FHIT: variants seen among roughly 807,000 people sequenced by gnomAD.
FHIT encodes the protein bis(5'-adenosyl)-triphosphatase.
In FHIT, 19 loss-of-function variants were observed where a neutral mutation model predicts 17.9. The ratio of observed to expected loss-of-function variants is 1.06; its 90% confidence interval spans 0.74 to 1.56. The LOEUF (loss-of-function observed/expected upper bound fraction) is 1.56, where lower values mean the gene tolerates loss of function less well. Among genes scored for constraint, FHIT ranks in the 40% most tolerant of loss-of-function variants. FHIT has a pLI of 0.00. For missense variants in FHIT, 248 were observed against 189.2 expected, an observed-to-expected ratio of 1.31 and a Z score of -1.82; for synonymous variants, 81 against 69.7, an observed-to-expected ratio of 1.16 and a Z score of -0.81.
chr3:60,096,659 C>T lies in FHIT; in HGVS notation c.104-82507G>A, dbSNP rs1336343168. ...TCCCTGTACCTTCCTTTCTCACAAA[C>T]ATTCCATTGGCAGATTTCTGTTTTG... On this transcript the variant is annotated intron_variant, in intron 5 of 9. Coordinates refer to ENST00000492590, the MANE Select transcript of FHIT (RefSeq NM_002012.4). Among the ~76,000 whole-genome samples, 7 of 152,314 alleles carry T rather than the reference C, an allele frequency of 4.6e-5. No homozygotes were observed. The East Asian group carries it at 1.2e-3, about 25-fold the overall frequency.
chr3:60,700,888 C>T (rs2107908321), intron 4 of FHIT, among the ~76,000 whole-genome samples: 1 of 152,064 alleles, frequency 6.6e-6, no homozygotes, highest in South Asian at 2.1e-4. Context: ...AATTAATATC[C>T]CTAGCCATTT....
In FHIT at chr3:60,603,832, T is replaced by C. The variant is rs570738421; in HGVS notation, c.-17-66853A>G. Reference sequence around the variant, plus strand: ...ACTATAAGGCTCTGTTTCATTTTTGTAAATAGATCTCTGGCTTAGGCTCCT... The same window carrying C: ...ACTATAAGGCTCTGTTTCATTTTTGCAAATAGATCTCTGGCTTAGGCTCCT... On this transcript the variant is annotated intron_variant, in intron 4 of 9. Transcript: ENST00000492590. Among the ~76,000 whole-genome samples the C allele has an allele frequency of 2.0e-5, 3 of 152,268 alleles. No homozygotes were observed. In the South Asian group the frequency reaches 6.2e-4, roughly 32 times the overall value.
At chr3:60,694,625 T>C (rs2041072302) in intron 4 of FHIT, among the ~76,000 whole-genome samples, 1 of 152,170 alleles carries the variant, frequency 6.6e-6, no homozygotes, top group Non-Finnish European at 1.5e-5. Flanking sequence ...ATATGTTTAT[T>C]GCGGCACTAT....
At chr3:60,779,856 A>G (rs1700328245) in intron 4 of FHIT, among the ~76,000 whole-genome samples, 1 of 152,188 alleles carries the variant, frequency 6.6e-6, no homozygotes, top group Non-Finnish European at 1.5e-5. Context: ...TTTCATGGAT[A>G]AAGGCCACGT....
chr3:60,129,541 A>G (rs1699435334), intron 5 of FHIT, among the ~76,000 whole-genome samples: 1 of 152,156 alleles, frequency 6.6e-6, no homozygotes, highest in Non-Finnish European at 1.5e-5. Flanking sequence ...GAATATCCAC[A>G]TTTCGAGGCT....
chr3:60,526,474 G>A (rs956881244), intron 5 of FHIT, among the ~76,000 whole-genome samples: 1 of 152,070 alleles, frequency 6.6e-6, no homozygotes, highest in Admixed American at 6.5e-5. Flanking sequence ...TACAGGAACC[G>A]GGGGACCTGC....
At chr3:61,246,893 T>C (rs2040499790) in intron 1 of FHIT, among the ~76,000 whole-genome samples, 1 of 151,526 alleles carries the variant, frequency 6.6e-6, no homozygotes, top group Non-Finnish European at 1.5e-5. Context: ...GAAAAACATA[T>C]CTATTACTCA....
At chr3:60,504,580 A>G (rs1424044566) in intron 5 of FHIT, among the ~76,000 whole-genome samples, 1 of 152,210 alleles carries the variant, frequency 6.6e-6, no homozygotes, top group Non-Finnish European at 1.5e-5. Flanking sequence ...CAAATACAAT[A>G]TATTGATTGA....
At chr3:60,107,877 G>T (rs1460394647) in intron 5 of FHIT, among the ~76,000 whole-genome samples, 1 of 152,162 alleles carries the variant, frequency 6.6e-6, no homozygotes, top group African/African-American at 2.4e-5. Context: ...ATAAATACAG[G>T]AAAGAATAGT....
intron 4 of FHIT, among the ~76,000 whole-genome samples, chr3:60,586,692 G>A (rs1386566100): frequency 6.6e-6 from 1 of 151,954 alleles, no homozygotes; most frequent in Non-Finnish European, 1.5e-5. Flanking sequence ...GTCTTTTGCA[G>A]AAATGTGGAT....
At chr3:60,630,545 C>T (rs13090600) in intron 4 of FHIT, among the ~76,000 whole-genome samples, 61,765 of 151,600 alleles carry the variant, frequency 0.41, 12,799 homozygotes, top group East Asian at 0.65. Flanking sequence ...TGTACCACCA[C>T]CACAAGCCTC....
At chr3:60,065,839 G>T (rs2736807) in intron 5 of FHIT, among the ~76,000 whole-genome samples, 1 of 152,002 alleles carries the variant, frequency 6.6e-6, no homozygotes, top group Non-Finnish European at 1.5e-5. Context: ...GGGAATACTC[G>T]GGGGAAGCAT....
At chr3:60,332,636 A>C (rs943870363) in intron 5 of FHIT, among the ~76,000 whole-genome samples, 9 of 152,140 alleles carry the variant, frequency 5.9e-5, no homozygotes, top group Non-Finnish European at 1.3e-4. Flanking sequence ...TTCCCTCTTA[A>C]TGCTATTATT....
At chr3:60,886,638 A>T (rs1251393729) in intron 3 of FHIT, among the ~76,000 whole-genome samples, 1 of 152,170 alleles carries the variant, frequency 6.6e-6, no homozygotes, top group African/African-American at 2.4e-5. Flanking sequence ...AAAAAAACAC[A>T]TTCTAGAGAT....
rs533326599 is a variant in FHIT at position 60,960,612 on chromosome 3, T to G, written c.-111+81435A>C. On this transcript the variant is annotated intron_variant, in intron 3 of 9. Coordinates refer to ENST00000492590, the MANE Select transcript of FHIT (RefSeq NM_002012.4). ...AACAGGCCCCGGTGTGTGGCCCCGG[T>G]GTGTGATGTTCTCCATCCTGTGTCT... Among the ~76,000 whole-genome samples, 254 of 149,100 alleles carry G rather than the reference T, an allele frequency of 1.7e-3. 2 individuals are homozygous for G. The highest frequency in any genetic ancestry group is 6.8e-3 in the Middle Eastern group (2 of 292).
At chr3:60,541,167 A>G (rs923284691) in intron 4 of FHIT, among the ~76,000 whole-genome samples, 1 of 152,228 alleles carries the variant, frequency 6.6e-6, no homozygotes, top group African/African-American at 2.4e-5. Context: ...TTCATCACAC[A>G]TTCCTCCTAA....
At chr3:60,211,068 T>TAA (rs10663373) in intron 5 of FHIT, among the ~76,000 whole-genome samples, 15,857 of 84,014 alleles carry the variant, frequency 0.19, 1,168 homozygotes, top group Non-Finnish European at 0.22. Context: ...TATAAAACCG[T>TAA]AAAAAAAAAA....
At chr3:59,799,093 G>A (rs1229040884) in intron 8 of FHIT, among the ~76,000 whole-genome samples, 1 of 115,440 alleles carries the variant, frequency 8.7e-6, no homozygotes, top group Non-Finnish European at 1.8e-5. Flanking sequence ...GAAACACTAG[G>A]AAATCTACTT....
intron 2 of FHIT, among the ~76,000 whole-genome samples, chr3:61,072,670 C>T (rs963976130): frequency 6.6e-6 from 1 of 151,840 alleles, no homozygotes; most frequent in Admixed American, 6.6e-5. Context: ...CTGGCATGGC[C>T]CTATTTTTTT....
Sources: gnomAD v4.1 joint callset for allele counts (sites outside exome capture counted in the v4.1 genomes callset) on GRCh38, gnomAD v4.1.1 for gene constraint, MANE v1.5 for transcripts, NCBI Gene and HGNC (gene_info 2026-07-23, HGNC 2026-07-21) for gene names.